Variants in CFAP47 observed in about 807,000 individuals in gnomAD.
The protein encoded by CFAP47 is cilia and flagella associated protein 47, also known as cilia- and flagella-associated protein 47.
CFAP47 carries 29 observed loss-of-function variants against 148.1 expected under a neutral mutation model. The observed-to-expected ratio is 0.20, with a 90% confidence interval of 0.15 to 0.27. The LOEUF (loss-of-function observed/expected upper bound fraction) is 0.27. CFAP47 is among the 10% of genes least tolerant of loss of function. CFAP47 has a pLI of 1.00. For synonymous variants in CFAP47, 664 were observed against 577.3 expected (o/e 1.15, Z -2.15); for missense variants, 1,872 against 1,697.5 (o/e 1.10, Z -1.81).
intron 51 of CFAP47, among the ~76,000 whole-genome samples, chrX:36,293,812 C>A (rs2146952736): frequency 9.0e-6 from 1 of 111,021 alleles, no homozygotes; most frequent in East Asian, 2.9e-4. Flanking sequence ...CTGTGATGGC[C>A]AGAACAAAAA....
intron 41 of CFAP47, among the ~76,000 whole-genome samples, chrX:36,189,413 G>A (rs782721406): frequency 9.9e-5 from 11 of 110,718 alleles, no homozygotes; most frequent in Non-Finnish European, 1.9e-4. Flanking sequence ...ATGGGATCTC[G>A]TTAAGTTCTA....
intron 57 of CFAP47, among the ~76,000 whole-genome samples, chrX:36,322,155 G>A (rs1410172521): frequency 9.0e-6 from 1 of 110,938 alleles, no homozygotes; most frequent in East Asian, 2.8e-4. Context: ...TGACTTATCT[G>A]ATATTCAGAT....
At chrX:36,184,853 G>T (rs1209106654) in intron 40 of CFAP47, among the ~76,000 whole-genome samples, 2 of 109,506 alleles carry the variant, frequency 1.8e-5, no homozygotes, top group Non-Finnish European at 3.8e-5. Context: ...GAATCACTTG[G>T]ACCTGGGAGG....
Position 36,099,735 on chromosome X carries a change from AT to A in CFAP47, c.4999-12del. ...CTTAAATTTTAATTAATGTTGTACT[AT>A]TTTATTTCTTAAAGTCTTCCACTAA... On this transcript the variant is annotated splice_polypyrimidine_tract_variant and intron_variant, in intron 31 of 63. Transcript: ENST00000378653. 1 of 779,234 alleles carries A rather than the reference AT, an allele frequency of 1.3e-6. No individual in the cohort carries two copies. The highest frequency in any genetic ancestry group is 1.9e-6 in the Non-Finnish European group (1 of 524,003). The allele number at this position is 779,234 out of a possible 1,213,427, so 64.2% of individuals were successfully genotyped here.
chrX:36,378,391 G>A (rs73460187), intron 62 of CFAP47, among the ~76,000 whole-genome samples: 6,456 of 111,532 alleles, frequency 0.058, 210 homozygotes, highest in African/African-American at 0.12. Flanking sequence ...AGTAAATATC[G>A]CCATGGAATA....
chrX:36,017,961 G>A (rs1273349615), intron 22 of CFAP47, among the ~76,000 whole-genome samples: 1 of 110,938 alleles, frequency 9.0e-6, no homozygotes, highest in Admixed American at 9.6e-5. Flanking sequence ...TGGGTAATAT[G>A]GATATTTTTA....
At chrX:36,202,554 C>T (rs1939992860) in intron 44 of CFAP47, among the ~76,000 whole-genome samples, 1 of 111,413 alleles carries the variant, frequency 9.0e-6, no homozygotes, top group African/African-American at 3.3e-5. Context: ...TAGTGGGCTA[C>T]CTCTCTCAGT....
rs187189128 is a variant in CFAP47, at chrX:36,019,789, A to T, written c.3556+4877A>T. Among the ~76,000 whole-genome samples, 593 of 111,728 alleles carry T rather than the reference A, an allele frequency of 5.3e-3. 5 individuals carry two copies. Among genetic ancestry groups the T allele is most frequent in the African/African-American group, 0.018 (568 of 30,752 alleles). On this transcript the variant is annotated intron_variant, in intron 22 of 63. Transcript: ENST00000378653. ...AGTATCAGTTGTAATAAGCCTTTTT[A>T]AAAATCTCTGATTTTATTTATTTGG...
intron 37 of CFAP47, among the ~76,000 whole-genome samples, chrX:36,150,075 G>A (rs1602014183): frequency 9.0e-6 from 1 of 110,988 alleles, no homozygotes; most frequent in East Asian, 2.8e-4. Flanking sequence ...CATAGTCATT[G>A]TGTATGTGTG....
chrX:35,938,674 G>A (rs1196159214), intron 2 of CFAP47, among the ~76,000 whole-genome samples: 1 of 111,413 alleles, frequency 9.0e-6, no homozygotes, highest in East Asian at 2.8e-4. Flanking sequence ...GCTGAGAGAA[G>A]TTGTCTCCAT....
At chrX:35,967,365 A>T (rs1466623096) in intron 9 of CFAP47, among the ~76,000 whole-genome samples, 2 of 111,121 alleles carry the variant, frequency 1.8e-5, no homozygotes, top group Non-Finnish European at 1.9e-5. Context: ...ATTTAGTTTC[A>T]TATGGGTAAA....
intron 45 of CFAP47, among the ~76,000 whole-genome samples, chrX:36,215,804 C>T (rs1940153062): frequency 9.0e-6 from 1 of 111,362 alleles, no homozygotes; most frequent in Non-Finnish European, 1.9e-5. Context: ...ATACTAGGGA[C>T]AATAGAGGCT....
intron 40 of CFAP47, among the ~76,000 whole-genome samples, chrX:36,180,991 A>G (rs949791629): frequency 8.9e-6 from 1 of 112,089 alleles, no homozygotes; most frequent in East Asian, 2.8e-4. Flanking sequence ...CTAGATTTTT[A>G]TCTTTTCAGC....
chrX:36,172,435 T>G (rs1158507985), intron 39 of CFAP47, among the ~76,000 whole-genome samples: 7 of 107,772 alleles, frequency 6.5e-5, no homozygotes, highest in Non-Finnish European at 1.3e-4. Flanking sequence ...GGCTGTGGGT[T>G]TGTCATAGAT....
At chrX:36,052,021 A>G (rs1244293394) in intron 26 of CFAP47, among the ~76,000 whole-genome samples, 3 of 111,776 alleles carry the variant, frequency 2.7e-5, no homozygotes, top group South Asian at 7.5e-4. Context: ...TTTGCCTTCC[A>G]CCATGATTGT....
chrX:36,226,579 A>G (rs1479429673), intron 45 of CFAP47, among the ~76,000 whole-genome samples: 2 of 111,761 alleles, frequency 1.8e-5, no homozygotes, highest in African/African-American at 6.5e-5. Flanking sequence ...CATCAAAATT[A>G]AAATTATAAT....
chrX:36,307,877 T>C (rs1941363580), intron 55 of CFAP47, among the ~76,000 whole-genome samples: 3 of 111,672 alleles, frequency 2.7e-5, no homozygotes. Context: ...CTGAGACAAA[T>C]GCTATAGAAA....
intron 2 of CFAP47, among the ~76,000 whole-genome samples, chrX:35,938,302 A>G (rs1049193706): frequency 1.1e-4 from 12 of 111,013 alleles, no homozygotes; most frequent in African/African-American, 3.6e-4. Context: ...AATAAAGTGC[A>G]TAGGTAATTT....
At chrX:35,946,754 C>T (rs6632417) in intron 3 of CFAP47, among the ~76,000 whole-genome samples, 18,937 of 110,970 alleles carry the variant, frequency 0.17, 1,260 homozygotes, top group South Asian at 0.24. Flanking sequence ...ATTTGCCAAA[C>T]TGTTTATTTT....
Sources: allele counts gnomAD v4.1 joint callset (sites outside exome capture counted in the v4.1 genomes callset), GRCh38; gene constraint gnomAD v4.1.1; transcripts MANE v1.5; gene names NCBI Gene and HGNC (gene_info 2026-07-23, HGNC 2026-07-21).